Variants in PPTC7 observed in about 807,000 individuals in gnomAD.
The protein encoded by PPTC7 is protein phosphatase targeting COQ7.
PPTC7 carries 6 observed loss-of-function variants against 30.8 expected under a neutral mutation model. The observed-to-expected ratio is 0.19, with a 90% CI of 0.11 to 0.38. The LOEUF (loss-of-function observed/expected upper bound fraction) is 0.38. PPTC7 is among the 10% of genes least tolerant of loss of function. PPTC7 has a pLI of 1.00. For missense variants in PPTC7, 218 were observed against 404.8 expected (o/e 0.54, Z 3.96); for synonymous variants, 163 against 168.1 (o/e 0.97, Z 0.23).
Position 110,582,917 on chromosome 12 carries a change from C to T in PPTC7, c.115G>A (p.Ala39Thr). Residue 39 changes from alanine to threonine, a missense_variant, in exon 1 of 6, where the codon GCC becomes ACC. Coordinates refer to ENST00000354300, the MANE Select transcript of PPTC7 (RefSeq NM_139283.2). The stretch of plus-strand genomic sequence containing the variant: ...AAGTCCTTCCCGAAGCCGCAGCCGG[C>T]CGTCACCAGTCCGTAGTCGCCGCCG... Reference protein sequence around the residue: ...GGGGDYGLVTAGCGFGKDFRK... With the variant: ...GGGGDYGLVTTGCGFGKDFRK... The T allele has an allele frequency of 6.5e-7, 1 of 1,549,864 alleles. No homozygotes were observed. The highest frequency in any genetic ancestry group is 8.7e-7 in the Non-Finnish European group (1 of 1,147,176).
intron 1 of PPTC7, 62 bp from the exon 2 acceptor site, chr12:110,552,030 CCT>C (rs2064353046): frequency 3.6e-6 from 5 of 1,373,736 alleles, no homozygotes; most frequent in African/African-American, 1.4e-5. Flanking sequence ...GGAATTCTTA[CCT>C]CTGTTTTCTC....
intron 1 of PPTC7, 133 bp downstream of exon 1, chr12:110,582,676 G>T: frequency 1.4e-6 from 1 of 737,634 alleles, no homozygotes; most frequent in South Asian, 2.0e-5. Context: ...GGCGCCTGGC[G>T]CATAGTAAGC....
intron 3 of PPTC7, among the ~76,000 whole-genome samples, chr12:110,543,623 C>T (rs750066517): frequency 3.9e-5 from 6 of 152,060 alleles, no homozygotes; most frequent in Non-Finnish European, 7.4e-5. Flanking sequence ...TTTTTCTTTC[C>T]CCAGAAGTGT....
rs1555213607 is a variant in PPTC7 at position 110,536,994 on chromosome 12, A to AAAT, written c.*40_*42dup. ...GCAGGATCAGCACACATGGCAGGGG[A>AAAT]AATTTGGGATGATGAAAGGAAAGGC... is the stretch of plus-strand genomic sequence containing the variant. On this transcript the variant is annotated 3_prime_UTR_variant, in exon 6 of 6. Coordinates refer to ENST00000354300, the MANE Select transcript of PPTC7 (RefSeq NM_139283.2). 1 of 1,500,270 alleles carries AAAT rather than the reference A, an allele frequency of 6.7e-7. No homozygotes were observed. The highest frequency in any genetic ancestry group is 9.3e-7 in the Non-Finnish European group (1 of 1,077,018). 92.9% of individuals were successfully genotyped at this position (1,500,270 alleles called of 1,614,324 possible).
rs2064244865 is a variant in PPTC7, at chr12:110,539,953, A to G, written c.603-8T>C. ...CTATCAGCAGCATCCGGACTGTGGC[A>G]AGGACAGGGGAGGGACAAAGTTAAG... is the stretch of plus-strand genomic sequence containing the variant. On this transcript the variant is annotated splice_polypyrimidine_tract_variant and splice_region_variant and intron_variant, in intron 3 of 5. Coordinates refer to ENST00000354300, the MANE Select transcript of PPTC7 (RefSeq NM_139283.2). 6.2e-7 allele frequency: 1 copy of G among 1,613,412 alleles called. No homozygotes were observed. Among genetic ancestry groups the G allele is most frequent in the African/African-American group, 1.3e-5 (1 of 74,882 alleles).
At chr12:110,540,318 CG>C (rs1351079884) in intron 3 of PPTC7, among the ~76,000 whole-genome samples, 2,149 of 126,940 alleles carry the variant, frequency 0.017, 94 homozygotes, top group African/African-American at 0.051. Context: ...CATCCCCCCC[CG>C]CCTTTTTTTT....
chr12:110,552,029 A>G (rs1268886828), intron 1 of PPTC7, 61 bp from the exon 2 acceptor site: 1 of 1,404,296 alleles, frequency 7.1e-7, no homozygotes, highest in African/African-American at 1.4e-5. Context: ...AGGAATTCTT[A>G]CCTCTGTTTT....
chr12:110,574,269 T>C (rs1266807865), intron 1 of PPTC7, among the ~76,000 whole-genome samples: 4 of 150,902 alleles, frequency 2.7e-5, no homozygotes, highest in Non-Finnish European at 5.9e-5. Flanking sequence ...GTTTTATAGA[T>C]GAGGAAACAG....
At position 110,537,212 on chromosome 12, in the gene PPTC7, C is replaced by T. The variant is rs1022993944; in HGVS notation, c.857-117G>A. ...TGCATTCCAGGCAGTTTTGGTTTGT[C>T]AGTATACCCTAGTAGAATAAAGAAA... On this transcript the variant is annotated intron_variant, in intron 5 of 5. Transcript: ENST00000354300. 8 of 740,360 alleles carry T rather than the reference C, an allele frequency of 1.1e-5. No individual in the cohort carries two copies. In the African/African-American group the frequency reaches 1.4e-4, roughly 13 times the overall value. The allele number at this position is 740,360 out of a possible 1,614,324, so 45.9% of individuals were successfully genotyped here.
At chr12:110,537,781 A>C (rs2064230067) in intron 5 of PPTC7, among the ~76,000 whole-genome samples, 1 of 152,226 alleles carries the variant, frequency 6.6e-6, no homozygotes, top group Non-Finnish European at 1.5e-5. Context: ...AGAGGAAGGG[A>C]GAAGCGAAAT....
chr12:110,545,213 C>T (rs752625424), intron 3 of PPTC7, among the ~76,000 whole-genome samples: 5 of 152,184 alleles, frequency 3.3e-5, no homozygotes, highest in African/African-American at 1.2e-4. Flanking sequence ...CTGCCTCAGC[C>T]TCCTGAGTAG....
chr12:110,583,129 C>G lies in PPTC7; in HGVS notation c.-98G>C, dbSNP rs1325064088. The G allele has an allele frequency of 1.0e-6, 1 of 973,086 alleles. No homozygotes were observed. Among genetic ancestry groups the G allele is most frequent in the Admixed American group, 4.6e-5 (1 of 21,948 alleles). 60.3% of individuals were successfully genotyped at this position (973,086 alleles called of 1,614,324 possible). On this transcript the variant is annotated 5_prime_UTR_variant, in exon 1 of 6. Coordinates refer to ENST00000354300, the MANE Select transcript of PPTC7 (RefSeq NM_139283.2). ...CTCCTCAGCCGCAGTCGCGCCGCCGCTGGGGCGCTCCTCAGGGCGGCGCGC... is the reference window on the plus strand; with the variant it reads ...CTCCTCAGCCGCAGTCGCGCCGCCGGTGGGGCGCTCCTCAGGGCGGCGCGC...
At chr12:110,573,523 T>C (rs563596661) in intron 1 of PPTC7, among the ~76,000 whole-genome samples, 1 of 152,200 alleles carries the variant, frequency 6.6e-6, no homozygotes, top group Non-Finnish European at 1.5e-5. Context: ...TAATCCAACA[T>C]GTATTCTGTT....
chr12:110,562,612 G>T (rs556635765), intron 1 of PPTC7, among the ~76,000 whole-genome samples: 35 of 151,836 alleles, frequency 2.3e-4, no homozygotes, highest in African/African-American at 8.5e-4. Context: ...GGCTAACATG[G>T]TGAAACTTCA....
chr12:110,576,307 T>TA (rs1217234109), intron 1 of PPTC7, among the ~76,000 whole-genome samples: 2 of 151,856 alleles, frequency 1.3e-5, no homozygotes, highest in Admixed American at 6.6e-5. Flanking sequence ...TATAGCTACA[T>TA]AAAAAAACAG....
chr12:110,582,990 G>C lies in PPTC7; in HGVS notation c.42C>G (p.Ala14=). 6.6e-7 allele frequency: 1 copy of C among 1,509,892 alleles called. No homozygotes were observed. The highest frequency in any genetic ancestry group is 8.8e-7 in the Non-Finnish European group (1 of 1,133,384). The allele number at this position is 1,509,892 out of a possible 1,614,324, so 93.5% of individuals were successfully genotyped here. A position where few individuals can be genotyped will look rare whatever the true frequency, so the allele number is the denominator to read the frequency against. Residue 14 remains alanine, a synonymous_variant, in exon 1 of 6, where the codon GCC becomes GCG. Coordinates refer to ENST00000354300, the MANE Select transcript of PPTC7 (RefSeq NM_139283.2). ...CGGTCTGCGAGAGGCCGCCGAGCACGGCGCGGGCCACCAGCCGCCCGTACG... is the reference window on the plus strand; with the variant it reads ...CGGTCTGCGAGAGGCCGCCGAGCACCGCGCGGGCCACCAGCCGCCCGTACG... The part of the protein sequence containing the change: ...VLSYGRLVAR[A]VLGGLSQTDP...
chr12:110,547,820 A>C (rs1032009955), intron 2 of PPTC7, among the ~76,000 whole-genome samples: 14 of 152,272 alleles, frequency 9.2e-5, no homozygotes, highest in African/African-American at 3.4e-4. Context: ...AAAATGGAGA[A>C]TAGTTCAGGC....
At chr12:110,540,321 CTTT>C (rs11369595) in intron 3 of PPTC7, among the ~76,000 whole-genome samples, 6 of 105,008 alleles carry the variant, frequency 5.7e-5, no homozygotes, top group Non-Finnish European at 7.3e-5. Flanking sequence ...CCCCCCCCGC[CTTT>C]TTTTTTTTTT....
intron 3 of PPTC7, among the ~76,000 whole-genome samples, chr12:110,542,673 CAAAAAAAAAAAAAAAAAA>C (rs765332697): frequency 3.7e-5 from 1 of 26,776 alleles, no homozygotes; most frequent in East Asian, 1.5e-3. Flanking sequence ...GACTCTGTCT[CAAAAAAAAAAAAAAAAAA>C]AAAAAAAAGA....
Sources: gnomAD v4.1 joint callset for allele counts (sites outside exome capture counted in the v4.1 genomes callset) on GRCh38, gnomAD v4.1.1 for gene constraint, MANE v1.5 for transcripts, NCBI Gene and HGNC (gene_info 2026-07-23, HGNC 2026-07-21) for gene names.